GALNTL6: variants seen among roughly 807,000 people sequenced by gnomAD.
The protein encoded by GALNTL6 is polypeptide N-acetylgalactosaminyltransferase-like 6.
Under a neutral mutation model 73.7 loss-of-function variants are expected in GALNTL6, and 46 were observed. That is an observed-to-expected ratio of 0.62 (90% CI 0.49 to 0.80). GALNTL6 has a LOEUF of 0.80. GALNTL6 is among the 30% of genes least tolerant of loss of function. The pLI is 0.00. For missense variants in GALNTL6, 604 were observed against 755.0 expected (o/e 0.80, Z 2.34); for synonymous variants, 259 against 263.7 (o/e 0.98, Z 0.17).
intron 3 of GALNTL6, among the ~76,000 whole-genome samples, chr4:172,311,232 G>T (rs1221160395): frequency 1.3e-5 from 2 of 152,090 alleles, no homozygotes; most frequent in Admixed American, 6.5e-5. Flanking sequence ...CAGTGGAATG[G>T]TGTAAATTGG....
intron 7 of GALNTL6, among the ~76,000 whole-genome samples, chr4:172,831,923 C>G (rs746651328): frequency 5.9e-5 from 9 of 152,200 alleles, no homozygotes; most frequent in Non-Finnish European, 1.0e-4. Flanking sequence ...TGCTGGCACC[C>G]TGATCTCCGT....
intron 2 of GALNTL6, among the ~76,000 whole-genome samples, chr4:172,112,245 T>A (rs1358816763): frequency 1.3e-5 from 2 of 152,102 alleles, no homozygotes; most frequent in African/African-American, 4.8e-5. Flanking sequence ...CTTTTTAGCT[T>A]AATAATATTC....
At chr4:172,254,553 T>C (rs1738006456) in intron 3 of GALNTL6, among the ~76,000 whole-genome samples, 1 of 151,700 alleles carries the variant, frequency 6.6e-6, no homozygotes, top group South Asian at 2.1e-4. Context: ...AATCTTTGCT[T>C]TTCATTATCC....
intron 6 of GALNTL6, among the ~76,000 whole-genome samples, chr4:172,810,090 C>A (rs1296129524): frequency 6.7e-6 from 1 of 148,602 alleles, no homozygotes; most frequent in Non-Finnish European, 1.5e-5. Context: ...CCACTTCTGG[C>A]ACCATCCTAT....
chr4:171,914,695 C>T (rs1365149097), intron 2 of GALNTL6, among the ~76,000 whole-genome samples: 3 of 150,482 alleles, frequency 2.0e-5, no homozygotes, highest in Non-Finnish European at 4.4e-5. Flanking sequence ...GGATTACAGG[C>T]ATAAGCCACC....
At chr4:172,937,704 G>A (rs978777610) in intron 9 of GALNTL6, among the ~76,000 whole-genome samples, 2 of 152,240 alleles carry the variant, frequency 1.3e-5, no homozygotes, top group Non-Finnish European at 1.5e-5. Flanking sequence ...TGACAGTAAC[G>A]TACAGTCCAC....
chr4:172,243,514 C>T lies in GALNTL6; in HGVS notation c.247+13750C>T, dbSNP rs151164562. Among the ~76,000 whole-genome samples the T allele has an allele frequency of 2.2e-3, 336 of 152,212 alleles. 2 individuals are homozygous for T. The highest frequency in any genetic ancestry group is 6.8e-3 in the Admixed American group (104 of 15,282). On this transcript the variant is annotated intron_variant, in intron 3 of 12. Transcript: ENST00000506823. The stretch of plus-strand genomic sequence containing the variant: ...CATTTGAACTGGGCTTTTGGAATAA[C>T]GGCACTCCTACATTAGGAAAGTATC...
intron 5 of GALNTL6, among the ~76,000 whole-genome samples, chr4:172,561,586 T>A (rs1205551663): frequency 6.6e-6 from 1 of 152,190 alleles, no homozygotes; most frequent in Non-Finnish European, 1.5e-5. Context: ...TTGGGCCACC[T>A]CTCCAGACAG....
At chr4:172,361,611 A>T (rs939788795) in intron 5 of GALNTL6, among the ~76,000 whole-genome samples, 1 of 152,154 alleles carries the variant, frequency 6.6e-6, no homozygotes, top group Non-Finnish European at 1.5e-5. Context: ...ATGATGAATA[A>T]TATCAGTGTA....
At chr4:172,310,156 C>G (rs560811475) in intron 3 of GALNTL6, among the ~76,000 whole-genome samples, 4 of 152,160 alleles carry the variant, frequency 2.6e-5, no homozygotes, top group African/African-American at 9.6e-5. Context: ...GTTTCCAATG[C>G]AAGCATTGGC....
At chr4:172,151,336 A>AT (rs1452020994) in intron 2 of GALNTL6, among the ~76,000 whole-genome samples, 2 of 152,232 alleles carry the variant, frequency 1.3e-5, no homozygotes, top group South Asian at 2.1e-4. Context: ...TTTTAAAAAG[A>AT]TTTTTTTCCG....
chr4:172,626,331 G>C (rs1739170334), intron 5 of GALNTL6, among the ~76,000 whole-genome samples: 1 of 152,000 alleles, frequency 6.6e-6, no homozygotes, highest in African/African-American at 2.4e-5. Context: ...GGCTGCAGGT[G>C]TGGGGCTTCA....
intron 5 of GALNTL6, among the ~76,000 whole-genome samples, chr4:172,592,720 A>ATCTATC (rs1178003998): frequency 9.4e-6 from 1 of 106,066 alleles, no homozygotes; most frequent in East Asian, 3.7e-4. Flanking sequence ...ATCTATCGAG[A>ATCTATC]GAGACTATGA....
chr4:172,682,063 A>T (rs895380533), intron 5 of GALNTL6, among the ~76,000 whole-genome samples: 1 of 152,216 alleles, frequency 6.6e-6, no homozygotes, highest in Admixed American at 6.5e-5. Flanking sequence ...TTGTGTGACC[A>T]CGGGGAAATA....
intron 4 of GALNTL6, among the ~76,000 whole-genome samples, chr4:172,345,583 T>C (rs1345767550): frequency 6.6e-6 from 1 of 152,212 alleles, no homozygotes; most frequent in African/African-American, 2.4e-5. Flanking sequence ...GTTGCCTATT[T>C]GACCAGCACA....
At chr4:172,806,712 A>G (rs1204359563) in intron 5 of GALNTL6, among the ~76,000 whole-genome samples, 2 of 152,210 alleles carry the variant, frequency 1.3e-5, no homozygotes, top group Non-Finnish European at 2.9e-5. Context: ...TGACATATGA[A>G]TAGTGAAGGG....
In GALNTL6 at chr4:172,311,700, G is replaced by A. The variant is rs368909538; in HGVS notation, c.334G>A (p.Val112Ile). The part of the protein sequence containing the change: ...AYRENGFNIF[V>I]SNNIALERSL... ...CAGGGAAAATGGTTTTAATATTTTC[G>A]TCAGCAACAATATTGCTCTAGAGAG... is the stretch of plus-strand genomic sequence containing the variant. The change falls in exon 4 of 13, where the codon GTC becomes ATC. Residue 112 changes from valine to isoleucine, a missense_variant. Physicochemically the swap from Val to Ile is conservative, Grantham distance 29. Coordinates refer to ENST00000506823, the MANE Select transcript of GALNTL6 (RefSeq NM_001034845.3). The A allele has an allele frequency of 2.8e-5, 45 of 1,610,652 alleles. No homozygotes were observed. The highest frequency in any genetic ancestry group is 1.6e-4 in the Middle Eastern group (1 of 6,072).
intron 2 of GALNTL6, among the ~76,000 whole-genome samples, chr4:172,160,602 G>A (rs1365765395): frequency 1.3e-5 from 2 of 151,820 alleles, no homozygotes; most frequent in Non-Finnish European, 2.9e-5. Flanking sequence ...TGTTTCATTC[G>A]AAAAAACTAA....
intron 7 of GALNTL6, among the ~76,000 whole-genome samples, chr4:172,818,398 C>G (rs1395808477): frequency 1.3e-5 from 2 of 152,180 alleles, no homozygotes; most frequent in Non-Finnish European, 2.9e-5. Context: ...ATTATTTTTG[C>G]ACTGCCAGTC....
Sources: gnomAD v4.1 joint callset for allele counts (sites outside exome capture counted in the v4.1 genomes callset) on GRCh38, gnomAD v4.1.1 for gene constraint, MANE v1.5 for transcripts, NCBI Gene and HGNC (gene_info 2026-07-23, HGNC 2026-07-21) for gene names.